The following MB21D2 variants were observed in gnomAD, a reference collection of about 807,000 sequenced individuals.
The protein encoded by MB21D2 is nucleotidyltransferase MB21D2.
Under a neutral mutation model 33.3 loss-of-function variants are expected in MB21D2, and 9 were observed. The ratio of observed to expected loss-of-function variants is 0.27; its 90% CI spans 0.16 to 0.47. MB21D2 has a LOEUF of 0.47. MB21D2 is among the 20% of genes least tolerant of loss of function. The pLI, the probability that MB21D2 is intolerant of heterozygous loss-of-function variation, is 0.99. For missense variants in MB21D2, 540 were observed against 624.6 expected (o/e 0.86, Z 1.44); for synonymous variants, 241 against 236.3 (o/e 1.02, Z -0.18).
At chr3:192,869,309 G>GGAGGGGAGGAGGGGAT in intron 1 of MB21D2, among the ~76,000 whole-genome samples, 1 of 140,856 alleles carries the variant, frequency 7.1e-6, no homozygotes, top group African/African-American at 2.8e-5. Context: ...GAGGAGGGAA[G>GGAGGGGAGGAGGGGAT]GAGGGAAGGA....
At chr3:192,908,661 G>A (rs973512255) in intron 1 of MB21D2, among the ~76,000 whole-genome samples, 2 of 151,448 alleles carry the variant, frequency 1.3e-5, no homozygotes, top group South Asian at 2.1e-4. Context: ...CTCGTGATCC[G>A]CCCTCCTCGG....
chr3:192,835,911 T>C (rs1712426921), intron 1 of MB21D2, among the ~76,000 whole-genome samples: 2 of 151,714 alleles, frequency 1.3e-5, no homozygotes, highest in African/African-American at 2.4e-5. Flanking sequence ...ATTTTCAGAA[T>C]GTTCTTAGCA....
intron 1 of MB21D2, among the ~76,000 whole-genome samples, chr3:192,823,091 T>G (rs1712095152): frequency 6.6e-6 from 1 of 152,238 alleles, no homozygotes; most frequent in Non-Finnish European, 1.5e-5. Flanking sequence ...TAATATTCAT[T>G]TAAAGTTAAA....
intron 1 of MB21D2, among the ~76,000 whole-genome samples, chr3:192,903,826 G>A (rs542969882): frequency 1.3e-5 from 2 of 152,288 alleles, no homozygotes; most frequent in Non-Finnish European, 2.9e-5. Flanking sequence ...AAAGTATGGG[G>A]GCACCTTTTC....
chr3:192,916,779 G>A (rs1331614031), intron 1 of MB21D2, among the ~76,000 whole-genome samples: 3 of 152,164 alleles, frequency 2.0e-5, no homozygotes, highest in African/African-American at 4.8e-5. Flanking sequence ...TAGGTGAGGG[G>A]CTGGAGGTGG....
At chr3:192,905,635 C>CAAAAAAAAAAAAAAAAA (rs142676577) in intron 1 of MB21D2, among the ~76,000 whole-genome samples, 1 of 84,978 alleles carries the variant, frequency 1.2e-5, no homozygotes, top group Non-Finnish European at 2.2e-5. Context: ...CGCCCTGTCT[C>CAAAAAAAAAAAAAAAAA]AAAAAAAAAA....
chr3:192,901,091 C>T (rs916538197), intron 1 of MB21D2, among the ~76,000 whole-genome samples: 3 of 152,086 alleles, frequency 2.0e-5, no homozygotes, highest in South Asian at 2.1e-4. Context: ...GTGAACGGCC[C>T]GAGATGGCAG....
chr3:192,810,166 T>C (rs1370934094), intron 1 of MB21D2, among the ~76,000 whole-genome samples: 1 of 152,204 alleles, frequency 6.6e-6, no homozygotes, highest in Non-Finnish European at 1.5e-5. Flanking sequence ...CAGTCACATT[T>C]TGTCTCTGTA....
chr3:192,895,485 C>G (rs964093492), intron 1 of MB21D2, among the ~76,000 whole-genome samples: 6 of 152,214 alleles, frequency 3.9e-5, no homozygotes, highest in African/African-American at 1.4e-4. Flanking sequence ...AAGCCAACGA[C>G]TCACTGCAGA....
rs887434743 is a variant in MB21D2 at position 192,797,387 on chromosome 3, C to T, written c.*999G>A. The stretch of plus-strand genomic sequence containing the variant: ...CCTACTTCATCAAGTGTATATTTTC[C>T]CCAGCTTTAGATGGGGTCAACATGT... On this transcript the variant is annotated 3_prime_UTR_variant, in exon 2 of 2. Coordinates refer to ENST00000392452, the MANE Select transcript of MB21D2 (RefSeq NM_178496.4). The T allele has an allele frequency of 1.3e-5, 2 of 152,486 alleles. No homozygotes were observed. The highest frequency in any genetic ancestry group is 4.8e-5 in the African/African-American group (2 of 41,396). 9.4% of individuals were successfully genotyped at this position (152,486 alleles called of 1,614,324 possible).
At chr3:192,871,784 T>G (rs1713308330) in intron 1 of MB21D2, among the ~76,000 whole-genome samples, 1 of 150,694 alleles carries the variant, frequency 6.6e-6, no homozygotes, top group Non-Finnish European at 1.5e-5. Flanking sequence ...TAGAGGGAAG[T>G]GACATGATGG....
intron 1 of MB21D2, among the ~76,000 whole-genome samples, chr3:192,871,071 A>T (rs1353744313): frequency 6.6e-6 from 1 of 152,242 alleles, no homozygotes; most frequent in Non-Finnish European, 1.5e-5. Flanking sequence ...TTAAAAGGCC[A>T]TCAATGGGGA....
At chr3:192,825,609 G>C (rs566873305) in intron 1 of MB21D2, among the ~76,000 whole-genome samples, 1 of 152,298 alleles carries the variant, frequency 6.6e-6, no homozygotes, top group African/African-American at 2.4e-5. Flanking sequence ...AACACTAATT[G>C]CATTTGGCCC....
At chr3:192,852,133 GAGAC>G (rs1396731845) in intron 1 of MB21D2, among the ~76,000 whole-genome samples, 6 of 152,182 alleles carry the variant, frequency 3.9e-5, no homozygotes, top group African/African-American at 1.4e-4. Flanking sequence ...AAGCAGAACT[GAGAC>G]AGACCAGTTC....
intron 1 of MB21D2, 45 bp downstream of exon 1, chr3:192,917,585 T>TCACA (rs564777411): frequency 1.3e-6 from 2 of 1,516,396 alleles, no homozygotes; most frequent in South Asian, 1.2e-5. Flanking sequence ...CCGCTTCCCA[T>TCACA]CACACACACA....
chr3:192,833,700 G>T (rs190177527), intron 1 of MB21D2, among the ~76,000 whole-genome samples: 1 of 152,224 alleles, frequency 6.6e-6, no homozygotes, highest in Admixed American at 6.5e-5. Context: ...TAGAACTCTG[G>T]GTGCACGTAG....
chr3:192,900,944 A>C (rs1714086452), intron 1 of MB21D2, among the ~76,000 whole-genome samples: 4 of 151,800 alleles, frequency 2.6e-5, no homozygotes, highest in African/African-American at 9.7e-5. Flanking sequence ...CTGTCTCAAA[A>C]AAAAAAAAGA....
chr3:192,900,060 G>T (rs893770382), intron 1 of MB21D2, among the ~76,000 whole-genome samples: 1 of 151,626 alleles, frequency 6.6e-6, no homozygotes, highest in African/African-American at 2.4e-5. Flanking sequence ...TGAGGCGGGC[G>T]GATCACGAGG....
intron 1 of MB21D2, among the ~76,000 whole-genome samples, chr3:192,868,322 GA>G (rs1713213107): frequency 1.3e-5 from 2 of 152,134 alleles, no homozygotes; most frequent in Admixed American, 6.5e-5. Flanking sequence ...CAGTGAACTT[GA>G]AACACAAGAA....
Sources: gnomAD v4.1 joint callset for allele counts (sites outside exome capture counted in the v4.1 genomes callset) on GRCh38, gnomAD v4.1.1 for gene constraint, MANE v1.5 for transcripts, NCBI Gene and HGNC (gene_info 2026-07-23, HGNC 2026-07-21) for gene names.